The following NT5DC3 variants were observed in gnomAD, a reference collection of about 807,000 sequenced individuals.
NT5DC3 encodes the protein 5'-nucleotidase domain-containing protein 3.
Under a neutral mutation model 67.8 loss-of-function variants are expected in NT5DC3, and 42 were observed. That is an observed-to-expected ratio of 0.62 (90% confidence interval 0.48 to 0.80). NT5DC3 has a LOEUF of 0.80. Among genes scored for constraint, NT5DC3 ranks in the 30% least tolerant of loss-of-function variants. The pLI is 0.00. For missense variants in NT5DC3, 570 were observed against 696.4 expected (o/e 0.82, Z 2.04); for synonymous variants, 237 against 255.6 (o/e 0.93, Z 0.69).
chr12:103,792,727 G>A (rs1442046538), intron 9 of NT5DC3, among the ~76,000 whole-genome samples: 4 of 152,206 alleles, frequency 2.6e-5, no homozygotes, highest in Admixed American at 1.3e-4. Context: ...TGCAAAACCT[G>A]TGTTGCAGAG....
rs909052167 is a variant in NT5DC3 at position 103,812,088 on chromosome 12, C to G, written c.393+2849G>C. 3.9e-5 allele frequency among the ~76,000 whole-genome samples: 6 copies of G among 151,970 alleles called. 1 individual carries two copies. Among genetic ancestry groups the G allele is most frequent in the Non-Finnish European group, 8.8e-5 (6 of 67,984 alleles). ...AAAATCAAAATATAGACAGTTATTA[C>G]TCAATTTTTAAAAAAATTTCCATTT... On this transcript the variant is annotated intron_variant, in intron 2 of 13. Transcript: ENST00000392876.
At chr12:103,766,867 A>G (rs1398614687), downstream of NT5DC3, 1 of 155,670 alleles carries the variant, frequency 6.4e-6, no homozygotes, top group Non-Finnish European at 1.4e-5. Context: ...TTCTTTAAGA[A>G]GACATGATAA....
At chr12:103,791,509 TG>T (rs1003637453) in intron 9 of NT5DC3, among the ~76,000 whole-genome samples, 3 of 151,832 alleles carry the variant, frequency 2.0e-5, no homozygotes, top group African/African-American at 7.3e-5. Flanking sequence ...CCCAAGACAC[TG>T]GAAGAAACCA....
At chr12:103,815,625 T>C (rs1425374332) in intron 1 of NT5DC3, among the ~76,000 whole-genome samples, 1 of 152,042 alleles carries the variant, frequency 6.6e-6, no homozygotes, top group Non-Finnish European at 1.5e-5. Context: ...TCTCCCTGTG[T>C]TGCCAAGGCT....
chr12:103,840,214 G>A (rs796723217), intron 1 of NT5DC3, among the ~76,000 whole-genome samples: 26 of 152,276 alleles, frequency 1.7e-4, no homozygotes, highest in African/African-American at 6.0e-4. Context: ...GCCCGGCACT[G>A]GTATTTATTA....
At chr12:103,761,054 G>T in the NT5DC3 span, among the ~76,000 whole-genome samples, 1 of 152,172 alleles carries the variant, frequency 6.6e-6, no homozygotes, top group Non-Finnish European at 1.5e-5. Context: ...TCACTCATCT[G>T]TCAGACAAGT....
chr12:103,806,974 G>A (rs1886827185), intron 2 of NT5DC3, 45 bp from the exon 3 acceptor site: 1 of 1,131,480 alleles, frequency 8.8e-7, no homozygotes, highest in African/African-American at 1.5e-5. Flanking sequence ...AATGTGCCAA[G>A]TGCAGGATCC....
chr12:103,815,047 C>CTCAACAA lies in NT5DC3; in HGVS notation c.282_283insTTGTTGA (p.Asp95LeufsTer5). 1 of 1,613,638 alleles carries CTCAACAA rather than the reference C, an allele frequency of 6.2e-7. No homozygotes were observed. The highest frequency in any genetic ancestry group is 8.5e-7 in the Non-Finnish European group (1 of 1,179,712). ...TAATCGAAGCCATAGATTTCAATGT[C>CTCAACAA]TGACAGGCTCATTTCATTGTTTGAG... On this transcript the variant is annotated frameshift_variant, in exon 2 of 14. Coordinates refer to ENST00000392876, the MANE Select transcript of NT5DC3 (RefSeq NM_001031701.3). LOFTEE classifies it high-confidence loss of function.
chr12:103,807,284 C>A (rs1221066183), intron 2 of NT5DC3, among the ~76,000 whole-genome samples: 1 of 152,208 alleles, frequency 6.6e-6, no homozygotes, highest in South Asian at 2.1e-4. Context: ...TCAATCTCCA[C>A]CCATCACTCC....
At chr12:103,809,081 C>T (rs1378362820) in intron 2 of NT5DC3, among the ~76,000 whole-genome samples, 2 of 152,238 alleles carry the variant, frequency 1.3e-5, no homozygotes, top group Non-Finnish European at 2.9e-5. Context: ...GTGTCACACC[C>T]AAGTCCACCC....
the NT5DC3 span, among the ~76,000 whole-genome samples, chr12:103,747,043 G>A: frequency 3.5e-5 from 5 of 141,714 alleles, no homozygotes; most frequent in Non-Finnish European, 7.5e-5. Context: ...TGCAACCTCC[G>A]CTTCCCAGGT....
chr12:103,783,862 C>G (rs1885657890), intron 12 of NT5DC3, among the ~76,000 whole-genome samples: 1 of 151,906 alleles, frequency 6.6e-6, no homozygotes, highest in Non-Finnish European at 1.5e-5. Flanking sequence ...GTGTTTGTAC[C>G]TATGACCAGC....
the NT5DC3 span, chr12:103,762,296 G>A: frequency 4.4e-5 from 71 of 1,614,096 alleles, no homozygotes; most frequent in Non-Finnish European, 5.8e-5. Context: ...ACTGGCTTGG[G>A]AGCAGGGATC....
At position 103,806,927 on chromosome 12, in the gene NT5DC3, A is replaced by G. The variant is rs945576688; in HGVS notation, c.396T>C (p.Tyr132=). ...ACTCATACTTCCTGATTTCTGCTGG[A>G]TACTAAGAAAGAAGAAAGGAACTGG... ...ARDLLINEHR[Y]PAEIRKYEYD... is the part of the protein sequence containing the mutation. Residue 132 remains tyrosine, a splice_region_variant and synonymous_variant, in exon 3 of 14, where the codon TAT becomes TAC. Transcript: ENST00000392876. 9 of 1,588,836 alleles carry G rather than the reference A, an allele frequency of 5.7e-6. No individual in the cohort carries two copies. The highest frequency in any genetic ancestry group is 5.0e-5 in the Admixed American group (3 of 59,942).
In NT5DC3 at chr12:103,790,577, T is replaced by A. The variant is rs545810457; in HGVS notation, c.1020-1658A>T. Among the ~76,000 whole-genome samples the A allele has an allele frequency of 3.1e-4, 47 of 152,062 alleles. No individual in the cohort carries two copies. The South Asian group carries it at 8.7e-3, about 28-fold the overall frequency. On this transcript the variant is annotated intron_variant, in intron 9 of 13. Coordinates refer to ENST00000392876, the MANE Select transcript of NT5DC3 (RefSeq NM_001031701.3). Reference sequence around the variant, plus strand: ...ATTTTTTAATTATTTGTAGAGACAGTCTCCCTATGTAGCCCAGGGTGGTCT... The same window carrying A: ...ATTTTTTAATTATTTGTAGAGACAGACTCCCTATGTAGCCCAGGGTGGTCT...
chr12:103,814,971 T>C lies in NT5DC3; in HGVS notation c.359A>G (p.Asn120Ser). Residue 120 changes from asparagine (N) to serine (S), a missense_variant, in exon 2 of 14, where the codon AAT becomes AGT. This residue lies in a region of NT5DC3 where 466 missense variants were observed against 608.0 expected (regional missense o/e 0.77). Coordinates refer to ENST00000392876, the MANE Select transcript of NT5DC3 (RefSeq NM_001031701.3). ...YSKHLHTLIF[N>S]AARDLLINEH... ...ATTGATGAGAAGGTCCCGTGCAGCA[T>C]TAAATATCAGCGTGTGGAGGTGCTT... 3.1e-6 allele frequency: 5 copies of C among 1,613,078 alleles called. No homozygotes were observed. Among genetic ancestry groups the C allele is most frequent in the Non-Finnish European group, 4.2e-6 (5 of 1,179,504 alleles).
chr12:103,796,770 TA>T, intron 6 of NT5DC3, 123 bp downstream of exon 6: 1 of 926,410 alleles, frequency 1.1e-6, no homozygotes, highest in Non-Finnish European at 1.7e-6. Flanking sequence ...AAACCACATA[TA>T]AGAGTTCCCA....
intron 10 of NT5DC3, among the ~76,000 whole-genome samples, chr12:103,788,346 T>C (rs138620800): frequency 1.6e-3 from 240 of 152,346 alleles, no homozygotes; most frequent in African/African-American, 5.6e-3. Flanking sequence ...CCTGGGAGGC[T>C]GAGATGGAAG....
intron 4 of NT5DC3, among the ~76,000 whole-genome samples, chr12:103,804,245 C>G (rs1395254142): frequency 6.6e-6 from 1 of 152,170 alleles, no homozygotes; most frequent in Non-Finnish European, 1.5e-5. Context: ...GCAAAGACAT[C>G]AATAGACAAG....
Sources: allele counts gnomAD v4.1 joint callset (sites outside exome capture counted in the v4.1 genomes callset), GRCh38; gene constraint gnomAD v4.1.1; regional missense constraint gnomAD v4.1.1; transcripts MANE v1.5; gene names NCBI Gene and HGNC (gene_info 2026-07-23, HGNC 2026-07-21).